Variants in FABP6 observed in about 807,000 individuals in gnomAD.
The protein encoded by FABP6 is fatty acid binding protein 6.
In FABP6, 13 loss-of-function variants were observed where a neutral mutation model predicts 14.9. The ratio of observed to expected loss-of-function variants is 0.87; its 90% CI spans 0.57 to 1.39. The LOEUF (loss-of-function observed/expected upper bound fraction) is 1.39. Ranked by LOEUF, FABP6 falls within the 40% of genes most tolerant of loss-of-function variation. FABP6 has a pLI of 0.00. For missense variants in FABP6, 161 were observed against 167.2 expected (o/e 0.96, Z 0.20); for synonymous variants, 75 against 63.6 (o/e 1.18, Z -0.85).
intron 2 of FABP6, 133 bp downstream of exon 2, chr5:160,232,406 C>T: frequency 1.1e-6 from 1 of 887,588 alleles, no homozygotes; most frequent in Non-Finnish European, 1.7e-6. Context: ...GCTTGAGTTA[C>T]TTGGCAATTT....
chr5:160,213,985 A>G (rs1286729779), intron 3 of FABP6, among the ~76,000 whole-genome samples: 1 of 152,170 alleles, frequency 6.6e-6, no homozygotes, highest in Non-Finnish European at 1.5e-5. Context: ...TTATAGGTCA[A>G]AAAGGTCAAA....
chr5:160,202,643 A>T (rs2113080725), intron 2 of FABP6, among the ~76,000 whole-genome samples: 1 of 152,098 alleles, frequency 6.6e-6, no homozygotes. Context: ...AAAAATACAA[A>T]AAAAAGAAAA....
upstream of FABP6, among the ~76,000 whole-genome samples, chr5:160,229,077 G>A (rs963046398): frequency 2.0e-5 from 3 of 152,212 alleles, no homozygotes; most frequent in Non-Finnish European, 4.4e-5. Flanking sequence ...CTGCAGGTGT[G>A]TGCTTGTCTC....
At chr5:160,208,406 C>G (rs1041738450) in intron 2 of FABP6, among the ~76,000 whole-genome samples, 1 of 152,024 alleles carries the variant, frequency 6.6e-6, no homozygotes, top group African/African-American at 2.4e-5. Flanking sequence ...CCACTGCATT[C>G]CAGCCTGGGT....
chr5:160,190,697 C>T (rs577335100), intron 1 of FABP6, among the ~76,000 whole-genome samples: 43 of 152,308 alleles, frequency 2.8e-4, no homozygotes, highest in African/African-American at 1.0e-3. Context: ...TCCTCCCTTC[C>T]CTTAACCTAT....
At chr5:160,231,538 C>T (rs531807010) in intron 1 of FABP6, among the ~76,000 whole-genome samples, 1 of 152,240 alleles carries the variant, frequency 6.6e-6, no homozygotes, top group African/African-American at 2.4e-5. Context: ...GTATTACAGG[C>T]ACCTGCCACC....
chr5:160,212,344 C>T lies in FABP6; in HGVS notation c.52-1392C>T, dbSNP rs539562146. ...TAATTTTTTGTATTTTTACTAGAGA[C>T]AGGGTTTTACCATGTTAGCCAGGTT... is the stretch of plus-strand genomic sequence containing the variant. On this transcript the variant is annotated intron_variant, in intron 2 of 6. Transcript: ENST00000393980. Among the ~76,000 whole-genome samples the T allele has an allele frequency of 2.0e-5, 3 of 151,868 alleles. No individual in the cohort carries two copies. The East Asian group carries it at 5.8e-4, about 29-fold the overall frequency.
intron 3 of FABP6, among the ~76,000 whole-genome samples, chr5:160,219,132 A>C (rs1453222025): frequency 1.3e-5 from 2 of 152,154 alleles, no homozygotes; most frequent in African/African-American, 4.8e-5. Flanking sequence ...GGGGAGTTTA[A>C]TCAAGGAATT....
intron 1 of FABP6, among the ~76,000 whole-genome samples, chr5:160,194,347 G>T (rs1050312207): frequency 6.6e-6 from 1 of 152,166 alleles, no homozygotes; most frequent in Admixed American, 6.5e-5. Context: ...CCCAGAAAGG[G>T]ACTCCCACAG....
chr5:160,228,837 C>G, upstream of FABP6: 1 of 281,452 alleles, frequency 3.6e-6, no homozygotes, highest in Non-Finnish European at 7.1e-6. Flanking sequence ...CTTCGTCACA[C>G]TGTTCCCTCG....
intron 1 of FABP6, among the ~76,000 whole-genome samples, chr5:160,187,909 T>A (rs1457629856): frequency 3.3e-5 from 5 of 151,998 alleles, no homozygotes; most frequent in African/African-American, 7.2e-5. Context: ...TGCACCACCA[T>A]GCCAGGTTAA....
intron 1 of FABP6, chr5:160,196,011 A>T (rs1200670865): frequency 1.3e-5 from 2 of 152,552 alleles, no homozygotes; most frequent in African/African-American, 4.8e-5. Context: ...GTCCAGGCAG[A>T]GGGGACATGG....
chr5:160,222,526 G>A (rs563615647), intron 3 of FABP6, among the ~76,000 whole-genome samples: 1 of 152,164 alleles, frequency 6.6e-6, no homozygotes, highest in African/African-American at 2.4e-5. Context: ...TAGAGATGGG[G>A]TTCCGCCATG....
chr5:160,209,240 G>T (rs1244313827), intron 2 of FABP6, among the ~76,000 whole-genome samples: 1 of 152,124 alleles, frequency 6.6e-6, no homozygotes, highest in Non-Finnish European at 1.5e-5. Flanking sequence ...ATAAAGGTCT[G>T]GTGTGGTGGC....
chr5:160,227,695 A>G (rs1760279224), upstream of FABP6, among the ~76,000 whole-genome samples: 1 of 151,864 alleles, frequency 6.6e-6, no homozygotes, highest in Non-Finnish European at 1.5e-5. Context: ...AGGAAAAAAG[A>G]AAAGGAAAGA....
At chr5:160,214,087 T>TTCTC (rs149888683) in intron 3 of FABP6, among the ~76,000 whole-genome samples, 10 of 146,354 alleles carry the variant, frequency 6.8e-5, no homozygotes, top group African/African-American at 2.5e-4. Context: ...TTGCCTGCCT[T>TTCTC]TCTCTTTCTT....
intron 3 of FABP6, among the ~76,000 whole-genome samples, chr5:160,221,088 CAAAAAAAAAA>C (rs397884568): frequency 6.9e-5 from 5 of 72,764 alleles, no homozygotes; most frequent in African/African-American, 1.9e-4. Flanking sequence ...GACTTTCTCT[CAAAAAAAAAA>C]AAAAAAAAAA....
upstream of FABP6, among the ~76,000 whole-genome samples, chr5:160,225,109 T>G (rs890814050): frequency 1.3e-5 from 2 of 151,764 alleles, no homozygotes; most frequent in South Asian, 4.2e-4. Context: ...TTTTTTTGTT[T>G]TTTTTGAGAT....
Position 160,199,047 on chromosome 5 carries a change from A to T in FABP6, c.-58-2A>T. The stretch of plus-strand genomic sequence containing the variant: ...GCGTGCTGGCTTTTTGTGTCATTGC[A>T]GACTTTGCACCTCTGGCTCCAGGGA... On this transcript the variant is annotated splice_acceptor_variant, in intron 1 of 6. Coordinates refer to the FABP6 transcript ENST00000393980. LOFTEE classifies it low-confidence loss of function (5UTR_SPLICE). 6.3e-7 allele frequency: 1 copy of T among 1,589,038 alleles called. No homozygotes were observed. The highest frequency in any genetic ancestry group is 8.6e-7 in the Non-Finnish European group (1 of 1,158,312).
Sources: allele counts gnomAD v4.1 joint callset (sites outside exome capture counted in the v4.1 genomes callset), GRCh38; gene constraint gnomAD v4.1.1; transcripts MANE v1.5; gene names NCBI Gene and HGNC (gene_info 2026-07-23, HGNC 2026-07-21).